PHACTR1: variants seen among roughly 807,000 people sequenced by gnomAD.
PHACTR1 encodes the protein phosphatase and actin regulator 1.
Under a neutral mutation model 69.2 loss-of-function variants are expected in PHACTR1, and 16 were observed. That is an observed-to-expected ratio of 0.23 (90% confidence interval 0.16 to 0.35). The LOEUF (loss-of-function observed/expected upper bound fraction) is 0.35. Ranked by LOEUF, PHACTR1 falls within the 10% of genes least tolerant of loss-of-function variation. The probability of loss-of-function intolerance (pLI) is 1.00; values close to 1 mark genes in which losing one functional copy is unlikely to be tolerated. For synonymous variants in PHACTR1, 312 were observed against 284.5 expected, an observed-to-expected ratio of 1.10 and a Z score of -0.97; for missense variants, 510 against 734.7, an observed-to-expected ratio of 0.69 and a Z score of 3.54.
intron 7 of PHACTR1, among the ~76,000 whole-genome samples, chr6:13,188,105 C>T (rs534846018): frequency 2.4e-4 from 37 of 152,262 alleles, no homozygotes; most frequent in South Asian, 1.5e-3. Context: ...CTATATGCCT[C>T]ACCTCTATAC....
chr6:13,147,167 G>A (rs867993347), intron 5 of PHACTR1, among the ~76,000 whole-genome samples: 24 of 152,248 alleles, frequency 1.6e-4, no homozygotes, highest in Middle Eastern at 3.4e-3. Context: ...GTTTTACCAC[G>A]TTCCCATAAT....
chr6:13,261,263 G>A (rs372100585), intron 10 of PHACTR1, among the ~76,000 whole-genome samples: 18 of 152,134 alleles, frequency 1.2e-4, no homozygotes, highest in African/African-American at 2.9e-4. Flanking sequence ...AGCTTTGTTC[G>A]TTTGTTGTTG....
chr6:13,047,377 CAAAAAAAAAA>C (rs35293642), intron 4 of PHACTR1, among the ~76,000 whole-genome samples: 2 of 54,792 alleles, frequency 3.7e-5, no homozygotes, highest in African/African-American at 1.1e-4. Context: ...AACCCTGTCT[CAAAAAAAAAA>C]AAAAAAAAAA....
At chr6:12,856,260 T>TG in intron 4 of PHACTR1, among the ~76,000 whole-genome samples, 1 of 150,228 alleles carries the variant, frequency 6.7e-6, no homozygotes, top group Non-Finnish European at 1.5e-5. Context: ...TCTTTCTTTT[T>TG]TTTTTTTTCT....
At chr6:12,968,425 T>C (rs1474097370) in intron 4 of PHACTR1, among the ~76,000 whole-genome samples, 1 of 152,182 alleles carries the variant, frequency 6.6e-6, no homozygotes, top group African/African-American at 2.4e-5. Context: ...CGTGACTATA[T>C]TTAGGTCTTC....
chr6:12,784,390 ATATACATATACACACATATC>A (rs1163977157), intron 4 of PHACTR1, among the ~76,000 whole-genome samples: 2 of 151,934 alleles, frequency 1.3e-5, no homozygotes, highest in East Asian at 1.9e-4. Flanking sequence ...ACATGATGAT[ATATACATATACACACATATC>A]TATACACATA....
At chr6:13,127,681 G>T (rs1819758409) in intron 5 of PHACTR1, among the ~76,000 whole-genome samples, 1 of 152,118 alleles carries the variant, frequency 6.6e-6, no homozygotes, top group Non-Finnish European at 1.5e-5. Context: ...ATATTTTGGG[G>T]GTGGTATGTT....
At chr6:13,247,326 CGTGTGT>C (rs60972913) in intron 10 of PHACTR1, among the ~76,000 whole-genome samples, 29 of 138,994 alleles carry the variant, frequency 2.1e-4, no homozygotes, top group African/African-American at 3.9e-4. Context: ...CAAGTTCCCT[CGTGTGT>C]GTGTGTGTGT....
intron 7 of PHACTR1, among the ~76,000 whole-genome samples, chr6:13,200,421 C>T (rs1765053650): frequency 6.6e-6 from 1 of 152,188 alleles, no homozygotes; most frequent in East Asian, 1.9e-4. Flanking sequence ...GCTGGGATTA[C>T]AGGCACGTGC....
chr6:12,993,144 C>T (rs892436979), intron 4 of PHACTR1, among the ~76,000 whole-genome samples: 2 of 152,110 alleles, frequency 1.3e-5, no homozygotes, highest in Non-Finnish European at 2.9e-5. Context: ...TTTTTCAGGC[C>T]GTTTTTTGTT....
At chr6:13,175,029 C>A (rs1761133015) in intron 6 of PHACTR1, among the ~76,000 whole-genome samples, 1 of 152,192 alleles carries the variant, frequency 6.6e-6, no homozygotes. Flanking sequence ...CCTTTCATTT[C>A]TTCCTCCCTG....
chr6:13,211,283 C>T (rs1430803275), intron 8 of PHACTR1, among the ~76,000 whole-genome samples: 1 of 152,074 alleles, frequency 6.6e-6, no homozygotes, highest in African/African-American at 2.4e-5. Flanking sequence ...CCACCCCTCC[C>T]CCTGAGTCCC....
intron 4 of PHACTR1, among the ~76,000 whole-genome samples, chr6:12,886,745 A>G (rs573909317): frequency 6.6e-6 from 1 of 151,378 alleles, no homozygotes; most frequent in Non-Finnish European, 1.5e-5. Context: ...GAGAGAAGAC[A>G]GGGGAGAAGT....
chr6:13,182,842 C>T (rs1385038632), intron 7 of PHACTR1, among the ~76,000 whole-genome samples, 156 bp downstream of exon 7: 2 of 152,142 alleles, frequency 1.3e-5, no homozygotes, highest in African/African-American at 2.4e-5. Context: ...TTAGTACATA[C>T]TGAGTATTTT....
At chr6:13,060,061 G>C (rs959637611) in intron 5 of PHACTR1, among the ~76,000 whole-genome samples, 2 of 152,156 alleles carry the variant, frequency 1.3e-5, no homozygotes, top group Non-Finnish European at 2.9e-5. Context: ...GCAGTGGCCA[G>C]AGAGGTAGGA....
At chr6:12,916,624 A>G (rs114840465) in intron 4 of PHACTR1, among the ~76,000 whole-genome samples, 40 of 150,870 alleles carry the variant, frequency 2.7e-4, no homozygotes, top group African/African-American at 9.0e-4. Context: ...TGATGAATGG[A>G]TGAATGATGA....
intron 7 of PHACTR1, among the ~76,000 whole-genome samples, chr6:13,194,401 CAAA>C (rs1297859837): frequency 7.0e-5 from 7 of 99,708 alleles, no homozygotes; most frequent in African/African-American, 1.0e-4. Flanking sequence ...GACTCCGTCT[CAAA>C]AAAAAAAAAA....
At chr6:13,085,073 A>G (rs971778392) in intron 5 of PHACTR1, among the ~76,000 whole-genome samples, 1 of 152,150 alleles carries the variant, frequency 6.6e-6, no homozygotes, top group Non-Finnish European at 1.5e-5. Context: ...GTTAAAAAGT[A>G]TACAACAAAT....
intron 10 of PHACTR1, among the ~76,000 whole-genome samples, chr6:13,262,878 A>C (rs1392279166): frequency 1.3e-5 from 2 of 152,200 alleles, no homozygotes; most frequent in Non-Finnish European, 2.9e-5. Flanking sequence ...AGAAAACCCA[A>C]GTTAATTCTG....
Sources: gnomAD v4.1 joint callset for allele counts (sites outside exome capture counted in the v4.1 genomes callset) on GRCh38, gnomAD v4.1.1 for gene constraint, MANE v1.5 for transcripts, NCBI Gene and HGNC (gene_info 2026-07-23, HGNC 2026-07-21) for gene names.